Variants in SNAP25 observed in about 807,000 individuals in gnomAD.
The protein encoded by SNAP25 is synaptosomal-associated protein 25.
Under a neutral mutation model 28.7 loss-of-function variants are expected in SNAP25, and 3 were observed. That is an observed-to-expected ratio of 0.10 (90% CI 0.05 to 0.27). The LOEUF is 0.27. Among genes scored for constraint, SNAP25 ranks in the 10% least tolerant of loss-of-function variants. The pLI, the probability that SNAP25 is intolerant of heterozygous loss-of-function variation, is 1.00. For missense variants in SNAP25, 117 were observed against 278.7 expected (o/e 0.42, Z 4.13); for synonymous variants, 61 against 88.1 (o/e 0.69, Z 1.72).
chr20:10,272,895 C>G (rs552321021), intron 1 of SNAP25, among the ~76,000 whole-genome samples: 1 of 152,194 alleles, frequency 6.6e-6, no homozygotes, highest in Non-Finnish European at 1.5e-5. Flanking sequence ...ACGGTGAAAC[C>G]TGTTATCTCC....
chr20:10,295,138 G>A (rs2064082003), intron 5 of SNAP25, among the ~76,000 whole-genome samples: 1 of 152,178 alleles, frequency 6.6e-6, no homozygotes, highest in Non-Finnish European at 1.5e-5. Flanking sequence ...GTGTCACAAC[G>A]CAGTGGCTGG....
chr20:10,306,089 A>G, intron 7 of SNAP25, 40 bp from the exon 8 acceptor site: 3 of 1,603,832 alleles, frequency 1.9e-6, no homozygotes, highest in Non-Finnish European at 2.6e-6. Context: ...TGGATTTTTA[A>G]GGGGTAACCT....
At position 10,218,958 on chromosome 20, in the gene SNAP25, A is replaced by C. The variant is rs1372381266; in HGVS notation, c.-83A>C. On this transcript the variant is annotated 5_prime_UTR_variant, in exon 1 of 8. Transcript: ENST00000254976. ...CAACCTGCAGAGGCCCGGAGAACAC[A>C]ACCCTCCCGAGAAGCCCAGGTAAGA... 6.6e-6 allele frequency: 1 copy of C among 152,024 alleles called. No homozygotes were observed. The highest frequency in any genetic ancestry group is 1.5e-5 in the Non-Finnish European group (1 of 68,046). 9.4% of individuals were successfully genotyped at this position (152,024 alleles called of 1,614,324 possible). A position where few individuals can be genotyped will look rare whatever the true frequency, so the allele number is the denominator to read the frequency against.
chr20:10,252,934 A>C (rs2063257622), intron 1 of SNAP25, among the ~76,000 whole-genome samples: 2 of 152,014 alleles, frequency 1.3e-5, no homozygotes, highest in African/African-American at 4.8e-5. Context: ...AAAAAGGGAG[A>C]TAATAATAGA....
chr20:10,285,025 AT>A lies in SNAP25; in HGVS notation c.163+257del, dbSNP rs532875100. On this transcript the variant is annotated intron_variant, in intron 4 of 7. Transcript: ENST00000254976. ...CTGTTATATATGTTGGGGTAACTGA[AT>A]TTTGAAGGCAAAAGCCATTTTTTTT... 2.3e-3 allele frequency among the ~76,000 whole-genome samples: 344 copies of A among 150,986 alleles called. 1 individual carries two copies. The highest frequency in any genetic ancestry group is 4.0e-3 in the Non-Finnish European group (270 of 67,674).
At position 10,229,471 on chromosome 20, in the gene SNAP25, C is replaced by T. The variant is rs146796324; in HGVS notation, c.-64+10494C>T. Among the ~76,000 whole-genome samples, 63 of 152,160 alleles carry T rather than the reference C, an allele frequency of 4.1e-4. No homozygotes were observed. In the Middle Eastern group the frequency reaches 0.014, roughly 33 times the overall value. On this transcript the variant is annotated intron_variant, in intron 1 of 7. Transcript: ENST00000254976. ...ATATAAAACCTGCACAAGCAAGTTA[C>T]AAGAATAGCAGAATCTGTGCTCCTA...
At chr20:10,272,047 T>C (rs1263465017) in intron 1 of SNAP25, among the ~76,000 whole-genome samples, 1 of 152,184 alleles carries the variant, frequency 6.6e-6, no homozygotes, top group Non-Finnish European at 1.5e-5. Context: ...CTGGTTTCCC[T>C]GGTTTCAAGC....
chr20:10,243,263 T>C (rs1458561699), intron 1 of SNAP25, among the ~76,000 whole-genome samples: 1 of 152,196 alleles, frequency 6.6e-6, no homozygotes, highest in Non-Finnish European at 1.5e-5. Flanking sequence ...TACAGAAAAG[T>C]TGCAAGGGTG....
Position 10,306,442 on chromosome 20 carries a change from G to T in SNAP25, c.*245G>T. On this transcript the variant is annotated 3_prime_UTR_variant, in exon 8 of 8. Coordinates refer to ENST00000254976, the MANE Select transcript of SNAP25 (RefSeq NM_130811.4). ...GGTGGCTCTAACTCCTTGAGGTCTT[G>T]AGTTTCATTTTTCATTTTCTCTCCT... The T allele has an allele frequency of 5.3e-6, 2 of 376,110 alleles. No individual in the cohort carries two copies. The highest frequency in any genetic ancestry group is 9.6e-6 in the Non-Finnish European group (2 of 208,462). The allele number at this position is 376,110 out of a possible 1,614,324, so 23.3% of individuals were successfully genotyped here.
chr20:10,246,278 C>T (rs916585296), intron 1 of SNAP25, among the ~76,000 whole-genome samples: 3 of 152,086 alleles, frequency 2.0e-5, no homozygotes, highest in Admixed American at 6.5e-5. Flanking sequence ...TGCGTGCATT[C>T]GTGTGCGAGC....
intron 1 of SNAP25, among the ~76,000 whole-genome samples, chr20:10,223,864 T>C (rs1427472870): frequency 6.6e-6 from 1 of 152,140 alleles, no homozygotes; most frequent in Non-Finnish European, 1.5e-5. Context: ...TCTAAATAAA[T>C]AGTGCAACCC....
intron 5 of SNAP25, among the ~76,000 whole-genome samples, chr20:10,295,248 G>A (rs1452763860): frequency 6.6e-6 from 1 of 152,244 alleles, no homozygotes. Flanking sequence ...GCAGCATTGT[G>A]GGTGCAGTGG....
chr20:10,250,118 T>A (rs2063200338), intron 1 of SNAP25, among the ~76,000 whole-genome samples: 1 of 152,206 alleles, frequency 6.6e-6, no homozygotes, highest in South Asian at 2.1e-4. Context: ...TGATTGCAAC[T>A]GTCAGACCTT....
chr20:10,270,111 G>A (rs780530341), intron 1 of SNAP25, among the ~76,000 whole-genome samples: 2 of 151,998 alleles, frequency 1.3e-5, no homozygotes, highest in Non-Finnish European at 2.9e-5. Flanking sequence ...AAATTAGCCT[G>A]GCGTGGTGGT....
chr20:10,263,210 G>A (rs1032570018), intron 1 of SNAP25, among the ~76,000 whole-genome samples: 2 of 151,660 alleles, frequency 1.3e-5, no homozygotes, highest in African/African-American at 2.4e-5. Flanking sequence ...TGGTAGAGAC[G>A]GGGTTTCACT....
At chr20:10,228,636 T>A (rs2062773649) in intron 1 of SNAP25, among the ~76,000 whole-genome samples, 1 of 152,166 alleles carries the variant, frequency 6.6e-6, no homozygotes, top group African/African-American at 2.4e-5. Context: ...TGAGCCTCAC[T>A]TTTATTTACA....
intron 1 of SNAP25, among the ~76,000 whole-genome samples, chr20:10,267,797 G>A (rs1038090954): frequency 3.1e-4 from 47 of 152,264 alleles, no homozygotes; most frequent in East Asian, 1.9e-4. Context: ...TGATCTGCCC[G>A]CCTCGGCCTC....
chr20:10,299,058 T>C (rs1256700856), intron 6 of SNAP25, among the ~76,000 whole-genome samples: 1 of 152,050 alleles, frequency 6.6e-6, no homozygotes, highest in African/African-American at 2.4e-5. Context: ...ATATACCTTC[T>C]TTAAGAATAG....
intron 6 of SNAP25, among the ~76,000 whole-genome samples, chr20:10,298,221 A>T (rs968349793): frequency 6.7e-5 from 10 of 148,774 alleles, no homozygotes; most frequent in Non-Finnish European, 1.2e-4. Flanking sequence ...GGTGATTCTG[A>T]TATGCACTCA....
Sources: gnomAD v4.1 joint callset for allele counts (sites outside exome capture counted in the v4.1 genomes callset) on GRCh38, gnomAD v4.1.1 for gene constraint, MANE v1.5 for transcripts, NCBI Gene and HGNC (gene_info 2026-07-23, HGNC 2026-07-21) for gene names.